Variants in ADAM9 observed in about 807,000 individuals in gnomAD.
ADAM9 encodes disintegrin and metalloproteinase domain-containing protein 9.
A neutral mutation model predicts 108.1 loss-of-function variants in ADAM9; 54 were observed. The ratio of observed to expected loss-of-function variants is 0.50; its 90% CI spans 0.40 to 0.63. The LOEUF (loss-of-function observed/expected upper bound fraction) is 0.63. ADAM9 is among the 20% of genes least tolerant of loss of function. The pLI, the probability that ADAM9 is intolerant of heterozygous loss-of-function variation, is 0.00. For synonymous variants in ADAM9, 316 were observed against 336.0 expected (o/e 0.94, Z 0.65); for missense variants, 830 against 997.7 (o/e 0.83, Z 2.26).
At chr8:39,028,477 TG>T (rs1836996023) in intron 11 of ADAM9, among the ~76,000 whole-genome samples, 1 of 152,060 alleles carries the variant, frequency 6.6e-6, no homozygotes, top group Non-Finnish European at 1.5e-5. Flanking sequence ...GAGAAAGACG[TG>T]AGTTCAGGGA....
At chr8:39,027,802 A>G (rs374347509) in intron 11 of ADAM9, among the ~76,000 whole-genome samples, 1 of 152,010 alleles carries the variant, frequency 6.6e-6, no homozygotes, top group South Asian at 2.1e-4. Flanking sequence ...CAAATACAGG[A>G]CGGACCTGGT....
intron 4 of ADAM9, 98 bp from the exon 5 acceptor site, chr8:39,016,020 C>G: frequency 9.0e-7 from 1 of 1,114,200 alleles, no homozygotes; most frequent in Non-Finnish European, 1.4e-6. Context: ...TATTATTAAA[C>G]TTGACTGGCC....
chr8:39,033,248 T>C (rs1318884687), intron 11 of ADAM9, among the ~76,000 whole-genome samples: 1 of 152,234 alleles, frequency 6.6e-6, no homozygotes, highest in Admixed American at 6.5e-5. Flanking sequence ...GGAAAGTAAT[T>C]GACTTTTGTA....
intron 12 of ADAM9, among the ~76,000 whole-genome samples, chr8:39,048,440 T>C (rs1341692117): frequency 5.9e-5 from 9 of 152,326 alleles, no homozygotes; most frequent in Admixed American, 2.6e-4. Flanking sequence ...TCAGAAAATA[T>C]ATTTGGTATG....
intron 14 of ADAM9, among the ~76,000 whole-genome samples, chr8:39,065,341 T>C (rs1478348122): frequency 3.3e-5 from 5 of 152,066 alleles, no homozygotes; most frequent in Admixed American, 2.0e-4. Context: ...TGAGTTTTTT[T>C]CCCACTTATT....
intron 16 of ADAM9, among the ~76,000 whole-genome samples, chr8:39,080,098 T>G (rs1349537878): frequency 6.7e-6 from 1 of 149,406 alleles, no homozygotes; most frequent in Non-Finnish European, 1.5e-5. Context: ...ATTACACAAA[T>G]TATTTATTTG....
chr8:39,007,924 A>G lies in ADAM9; in HGVS notation c.136A>G (p.Ile46Val). 1 of 1,612,482 alleles carries G rather than the reference A, an allele frequency of 6.2e-7. No homozygotes were observed. The highest frequency in any genetic ancestry group is 1.1e-5 in the South Asian group (1 of 91,044). The stretch of plus-strand genomic sequence containing the variant: ...CTCACATCTTTCTTCTTATGAAATT[A>G]TAACTCCTTGGAGATTAACTAGAGA... The part of the protein sequence containing the change: ...QTSHLSSYEI[I>V]TPWRLTRERR... Residue 46 changes from isoleucine to valine, a missense_variant, in exon 2 of 22, where the codon ATA (isoleucine) becomes GTA (valine). Physicochemically the swap from Ile to Val is conservative, Grantham distance 29 (BLOSUM62 3). Around this residue, in one of 3 missense-constraint regions of ADAM9, gnomAD observed 211 missense variants for 222.2 expected, o/e 0.95. Transcript: ENST00000487273.
intron 14 of ADAM9, 89 bp downstream of exon 14, chr8:39,055,861 A>G (rs1357306251): frequency 7.5e-6 from 10 of 1,326,400 alleles, no homozygotes; most frequent in African/African-American, 1.5e-5. Flanking sequence ...CATTATTGAT[A>G]AAGTTGAGGC....
intron 12 of ADAM9, among the ~76,000 whole-genome samples, chr8:39,051,664 G>A (rs1837962412): frequency 6.6e-6 from 1 of 152,088 alleles, no homozygotes; most frequent in Non-Finnish European, 1.5e-5. Context: ...TTTTATTTTT[G>A]TGCATAAATA....
intron 1 of ADAM9, among the ~76,000 whole-genome samples, chr8:39,002,098 G>A (rs1296861536): frequency 2.0e-5 from 3 of 147,918 alleles, no homozygotes; most frequent in Non-Finnish European, 3.0e-5. Flanking sequence ...TATATGGCTC[G>A]AAATAATAGT....
chr8:39,025,158 T>G (rs1158415810), intron 9 of ADAM9, among the ~76,000 whole-genome samples: 1 of 152,178 alleles, frequency 6.6e-6, no homozygotes, highest in Middle Eastern at 3.2e-3. Flanking sequence ...CGGTGCAGTC[T>G]TGGCTCACTG....
At chr8:39,009,894 A>ATG (rs1836288446) in intron 2 of ADAM9, among the ~76,000 whole-genome samples, 1 of 16,050 alleles carries the variant, frequency 6.2e-5, no homozygotes, top group Admixed American at 1.1e-3. Context: ...CATTCTAGTG[A>ATG]TGGGGGGGGG....
chr8:39,001,914 C>T (rs1364957968), intron 1 of ADAM9, among the ~76,000 whole-genome samples: 3 of 151,704 alleles, frequency 2.0e-5, no homozygotes, highest in South Asian at 2.1e-4. Flanking sequence ...GTGATCCACC[C>T]GCCTCGGCCT....
rs1323940772 is a variant in ADAM9 at position 39,058,143 on chromosome 8, A to G, written c.1591+2371A>G. ...TAAATACTGGGATATAAAATTAACA[A>G]TACTTAAATGCTATAATATCAAGTC... On this transcript the variant is annotated intron_variant, in intron 14 of 21. Transcript: ENST00000487273. Among the ~76,000 whole-genome samples the G allele has an allele frequency of 3.3e-5, 5 of 152,196 alleles. 1 individual carries two copies. In the South Asian group the frequency reaches 8.3e-4, roughly 25 times the overall value.
At chr8:39,057,721 C>A (rs998333863) in intron 14 of ADAM9, among the ~76,000 whole-genome samples, 4 of 152,076 alleles carry the variant, frequency 2.6e-5, no homozygotes, top group African/African-American at 9.7e-5. Flanking sequence ...CCTTTTCGTT[C>A]AAGTTTAAAA....
rs1372709340 is a variant in ADAM9, at chr8:39,104,858, A to C, written c.*1158A>C. On this transcript the variant is annotated 3_prime_UTR_variant, in exon 22 of 22. Transcript: ENST00000487273. ...TGGATCGTAAAATTTTAAGCACTAA[A>C]AATTTTTTCATAACCTTTCATAATA... 3 of 446,492 alleles carry C rather than the reference A, an allele frequency of 6.7e-6. No homozygotes were observed. Among genetic ancestry groups the C allele is most frequent in the Admixed American group, 4.9e-5 (2 of 40,968 alleles). The allele number at this position is 446,492 out of a possible 1,614,324, so 27.7% of individuals were successfully genotyped here.
chr8:39,024,730 A>G (rs1236859803), intron 9 of ADAM9, among the ~76,000 whole-genome samples: 2 of 152,136 alleles, frequency 1.3e-5, no homozygotes. Context: ...TCCTGCTCTC[A>G]TGGAGTCCAT....
rs186373156 is a variant in ADAM9, at chr8:39,098,507, C to G, written c.2299-3356C>G. ...GATCTACCTTCTATTCACTAAGTCT[C>G]TACTAAACTATGCCAAATCTACTTA... On this transcript the variant is annotated intron_variant, in intron 20 of 21. Transcript: ENST00000487273. Among the ~76,000 whole-genome samples, 7 of 152,322 alleles carry G rather than the reference C, an allele frequency of 4.6e-5. No homozygotes were observed. The East Asian group carries it at 1.3e-3, about 29-fold the overall frequency.
intron 15 of ADAM9, among the ~76,000 whole-genome samples, chr8:39,074,238 G>A (rs922519407): frequency 2.6e-5 from 4 of 152,100 alleles, no homozygotes; most frequent in African/African-American, 9.7e-5. Context: ...ATTTCCTTAA[G>A]TTTTTGTTGT....
Sources: gnomAD v4.1 joint callset for allele counts (sites outside exome capture counted in the v4.1 genomes callset) on GRCh38, gnomAD v4.1.1 for gene constraint, gnomAD v4.1.1 regional missense constraint, MANE v1.5 for transcripts, NCBI Gene and HGNC (gene_info 2026-07-23, HGNC 2026-07-21) for gene names.